The following STXBP5L variants were observed in gnomAD, a reference collection of about 807,000 sequenced individuals.
STXBP5L encodes syntaxin-binding protein 5-like.
In STXBP5L, 65 loss-of-function variants were observed where a neutral mutation model predicts 144.5. The ratio of observed to expected loss-of-function variants is 0.45; its 90% CI spans 0.37 to 0.55. STXBP5L has a LOEUF of 0.55. Among genes scored for constraint, STXBP5L ranks in the 20% least tolerant of loss-of-function variants. STXBP5L has a pLI of 0.00. For synonymous variants in STXBP5L, 505 were observed against 469.6 expected (o/e 1.08, Z -0.97); for missense variants, 1,298 against 1,405.5 (o/e 0.92, Z 1.22).
intron 3 of STXBP5L, among the ~76,000 whole-genome samples, chr3:120,984,257 A>G (rs1272439535): frequency 6.6e-6 from 1 of 152,220 alleles, no homozygotes; most frequent in Admixed American, 6.5e-5. Context: ...ATGGAGCCTA[A>G]AATGACTTTT....
chr3:121,028,331 T>C (rs1946103657), intron 3 of STXBP5L, among the ~76,000 whole-genome samples: 1 of 152,096 alleles, frequency 6.6e-6, no homozygotes, highest in Non-Finnish European at 1.5e-5. Context: ...TTTTCTCTAG[T>C]TGATATTATT....
At chr3:121,183,803 A>G (rs745732874) in intron 9 of STXBP5L, among the ~76,000 whole-genome samples, 3 of 152,074 alleles carry the variant, frequency 2.0e-5, no homozygotes, top group Non-Finnish European at 2.9e-5. Flanking sequence ...CAGACACCTC[A>G]TACAGGAGAG....
intron 22 of STXBP5L, among the ~76,000 whole-genome samples, chr3:121,393,448 T>C (rs1197274591): frequency 8.5e-5 from 13 of 152,348 alleles, no homozygotes; most frequent in Admixed American, 7.2e-4. Flanking sequence ...GTCCTATTTG[T>C]CTATTTTTAG....
At chr3:121,166,364 G>T (rs2046499563) in intron 9 of STXBP5L, among the ~76,000 whole-genome samples, 1 of 151,352 alleles carries the variant, frequency 6.6e-6, no homozygotes, top group Non-Finnish European at 1.5e-5. Context: ...CTGCATTCTG[G>T]GTAATTTTTT....
intron 5 of STXBP5L, among the ~76,000 whole-genome samples, chr3:121,110,492 A>T (rs1308865161): frequency 6.6e-6 from 1 of 152,024 alleles, no homozygotes; most frequent in East Asian, 1.9e-4. Context: ...ATGAAGCTTC[A>T]TTTGGCCATA....
At chr3:121,196,435 G>A (rs957407723) in intron 9 of STXBP5L, among the ~76,000 whole-genome samples, 1 of 151,858 alleles carries the variant, frequency 6.6e-6, no homozygotes. Context: ...CACCGCACCC[G>A]GCAATATTAA....
intron 3 of STXBP5L, among the ~76,000 whole-genome samples, chr3:120,984,632 C>CTTTTTT (rs35656223): frequency 8.3e-4 from 60 of 71,960 alleles, no homozygotes; most frequent in African/African-American, 1.6e-3. Flanking sequence ...TCTTTCTTTC[C>CTTTTTT]TTTTTTTTTT....
chr3:121,202,463 T>C (rs1379853769), intron 9 of STXBP5L, among the ~76,000 whole-genome samples: 2 of 152,334 alleles, frequency 1.3e-5, no homozygotes, highest in East Asian at 3.9e-4. Flanking sequence ...AATTATGTCA[T>C]TGTAATTATC....
Position 121,421,363 on chromosome 3 carries a change from T to C in STXBP5L, c.*2266T>C, listed in dbSNP as rs2047349868. The C allele has an allele frequency of 6.6e-6, 1 of 152,166 alleles. No homozygotes were observed. Among genetic ancestry groups the C allele is most frequent in the Non-Finnish European group, 1.5e-5 (1 of 68,024 alleles). The allele number at this position is 152,166 out of a possible 1,614,324, so 9.4% of individuals were successfully genotyped here. A position where few individuals can be genotyped will look rare whatever the true frequency, so the allele number is the denominator to read the frequency against. ...CGAGATTTCTCAAAAGCAGCACTAT[T>C]AGCTGAAAGTCTTTGTTGTGGGGAA... On this transcript the variant is annotated 3_prime_UTR_variant, in exon 27 of 27. Transcript: ENST00000471454.
intron 10 of STXBP5L, among the ~76,000 whole-genome samples, chr3:121,221,359 T>G (rs1422676388): frequency 6.6e-6 from 1 of 151,836 alleles, no homozygotes; most frequent in African/African-American, 2.4e-5. Context: ...GGTAAATTGC[T>G]CCTTATCCTA....
intron 9 of STXBP5L, among the ~76,000 whole-genome samples, chr3:121,192,715 A>T (rs983498868): frequency 6.6e-6 from 1 of 152,236 alleles, no homozygotes; most frequent in African/African-American, 2.4e-5. Context: ...AAAACCAGCA[A>T]TGGGGAAATG....
intron 3 of STXBP5L, among the ~76,000 whole-genome samples, chr3:121,018,335 A>G (rs1399868482): frequency 6.6e-6 from 1 of 152,186 alleles, no homozygotes; most frequent in African/African-American, 2.4e-5. Flanking sequence ...ATAAAGCTAC[A>G]GTAATTAAGA....
At chr3:121,265,367 A>C (rs994763915) in intron 18 of STXBP5L, among the ~76,000 whole-genome samples, 1 of 152,234 alleles carries the variant, frequency 6.6e-6, no homozygotes, top group Admixed American at 6.5e-5. Flanking sequence ...CTTTTCCTAA[A>C]TGACTACTGG....
At chr3:121,040,862 A>C (rs1295497340) in intron 3 of STXBP5L, among the ~76,000 whole-genome samples, 8 of 152,124 alleles carry the variant, frequency 5.3e-5, no homozygotes, top group Non-Finnish European at 1.2e-4. Context: ...AATTTGTTAC[A>C]TACATTTTGT....
chr3:121,407,691 T>A (rs2047026004), intron 23 of STXBP5L, 88 bp downstream of exon 23: 3 of 1,501,726 alleles, frequency 2.0e-6, no homozygotes, highest in East Asian at 4.7e-5. Context: ...GTGCAGATGT[T>A]ATCAAGAAGC....
rs1453049022 is a variant in STXBP5L at position 121,356,774 on chromosome 3, A to G, written c.2177-21942A>G. On this transcript the variant is annotated intron_variant, in intron 20 of 26. Transcript: ENST00000471454. ...CAGAAATCACCCATCTTCTGTATCA[A>G]TCACGCTGGAAGCTGCAGACCAGAG... Among the ~76,000 whole-genome samples the G allele has an allele frequency of 2.0e-5, 3 of 152,202 alleles. No individual in the cohort carries two copies. In the East Asian group the frequency reaches 5.8e-4, roughly 29 times the overall value.
chr3:121,216,493 C>T (rs1025310251), intron 10 of STXBP5L, among the ~76,000 whole-genome samples: 2 of 152,166 alleles, frequency 1.3e-5, no homozygotes, highest in Non-Finnish European at 2.9e-5. Context: ...ACCCTCTTTG[C>T]CTGGTTATCA....
intron 3 of STXBP5L, among the ~76,000 whole-genome samples, chr3:120,965,064 G>T (rs1012428331): frequency 6.6e-6 from 1 of 152,102 alleles, no homozygotes; most frequent in African/African-American, 2.4e-5. Flanking sequence ...TTGGTTTAAA[G>T]TCTGTTTTAT....
In STXBP5L at chr3:121,021,755, C is replaced by T. The variant is rs186040305; in HGVS notation, c.288-19945C>T. On this transcript the variant is annotated intron_variant, in intron 3 of 26. Coordinates refer to ENST00000471454, the MANE Select transcript of STXBP5L (RefSeq NM_001308330.2). ...ACAACCTATCAAATCTCCTGGAATA[C>T]AGCAAAGCTGATGCTAAGAGGAAAG... Among the ~76,000 whole-genome samples, 296 of 152,244 alleles carry T rather than the reference C, an allele frequency of 1.9e-3. 3 individuals are homozygous for T. The highest frequency in any genetic ancestry group is 5.2e-3 in the Admixed American group (79 of 15,288).
Sources: gnomAD v4.1 joint callset for allele counts (sites outside exome capture counted in the v4.1 genomes callset) on GRCh38, gnomAD v4.1.1 for gene constraint, MANE v1.5 for transcripts, NCBI Gene and HGNC (gene_info 2026-07-23, HGNC 2026-07-21) for gene names.